ABCA6: variants seen among roughly 807,000 people sequenced by gnomAD.
ABCA6 encodes ATP-binding cassette sub-family A member 6.
ABCA6 carries 164 observed loss-of-function variants against 191.2 expected under a neutral mutation model. The observed-to-expected ratio is 0.86, with a 90% CI of 0.76 to 0.98. The LOEUF (loss-of-function observed/expected upper bound fraction) is 0.98, where lower values mean the gene tolerates loss of function less well. Ranked by LOEUF, ABCA6 falls within the 50% of genes least tolerant of loss-of-function variation. The probability of loss-of-function intolerance (pLI) is 0.00; values close to 1 mark genes in which losing one functional copy is unlikely to be tolerated. For missense variants in ABCA6, 1,958 were observed against 1,894.1 expected (o/e 1.03, Z -0.63); for synonymous variants, 636 against 647.7 (o/e 0.98, Z 0.27).
intron 31 of ABCA6, 98 bp downstream of exon 31, chr17:69,085,527 A>AG (rs1223010888): frequency 1.3e-6 from 1 of 765,988 alleles, no homozygotes; most frequent in East Asian, 3.1e-5. Flanking sequence ...GGCAAAAAAA[A>AG]AAAAAAAAGA....
At chr17:69,089,428 C>G (rs2072876926) in intron 27 of ABCA6, 37 bp downstream of exon 27, 1 of 1,577,412 alleles carries the variant, frequency 6.3e-7, no homozygotes, top group East Asian at 2.2e-5. Flanking sequence ...GACAGTCATC[C>G]AAAAGAATGT....
At chr17:69,134,832 G>A in intron 4 of ABCA6, 90 bp from the exon 5 acceptor site, 1 of 881,992 alleles carries the variant, frequency 1.1e-6, no homozygotes, top group South Asian at 1.5e-5. Flanking sequence ...ACAATCTAGA[G>A]GAGACTCTAC....
chr17:69,082,875 T>C lies in ABCA6; in HGVS notation c.4614A>G (p.Glu1538=). 1 of 1,614,176 alleles carries C rather than the reference T, an allele frequency of 6.2e-7. No individual in the cohort carries two copies. Among genetic ancestry groups the C allele is most frequent in the Non-Finnish European group, 8.5e-7 (1 of 1,179,996 alleles). The change falls in exon 36 of 39, where the codon GAA becomes GAG. Residue 1538 remains glutamate, a splice_region_variant and synonymous_variant. Transcript: ENST00000284425. ...LKLFPQAAGQ[E]RYSSLLTYKL... Reference sequence around the variant, plus strand: ...CCATAATCAAAAGCCCGTCTCACCTTTCCTGCCCTGCAGCCTGTGGGAAAA... The same window carrying C: ...CCATAATCAAAAGCCCGTCTCACCTCTCCTGCCCTGCAGCCTGTGGGAAAA...
chr17:69,087,423 T>C lies in ABCA6; in HGVS notation c.3749A>G (p.Asp1250Gly), dbSNP rs1251695981. The C allele has an allele frequency of 6.2e-7, 1 of 1,613,868 alleles. No homozygotes were observed. The highest frequency in any genetic ancestry group is 8.5e-7 in the Non-Finnish European group (1 of 1,179,872). ...DAKPNPEEPI[D>G]EDEDIQTERI... ...TTCTGTTTGAATATCTTCATCTTCA[T>C]CTATGGGTTCTTCTGGATTTGGCTT... Residue 1250 changes from aspartate (D) to glycine (G), a missense_variant, in exon 29 of 39, where the codon GAT (aspartate) becomes GGT (glycine). Coordinates refer to ENST00000284425, the MANE Select transcript of ABCA6 (RefSeq NM_080284.3).
rs200668842 is a variant in ABCA6 at position 69,129,601 on chromosome 17, T to C, written c.933+9A>G. Reference sequence around the variant, plus strand: ...AGCAGAGAAAGTGGTAATAAATGTATCAACTTACCAAAGATAAGCCATATA... The same window carrying C: ...AGCAGAGAAAGTGGTAATAAATGTACCAACTTACCAAAGATAAGCCATATA... On this transcript the variant is annotated intron_variant, in intron 7 of 38. Coordinates refer to ENST00000284425, the MANE Select transcript of ABCA6 (RefSeq NM_080284.3). 6.3e-7 allele frequency: 1 copy of C among 1,578,246 alleles called. No homozygotes were observed. The highest frequency in any genetic ancestry group is 8.6e-7 in the Non-Finnish European group (1 of 1,159,968).
At chr17:69,102,691 G>A in intron 21 of ABCA6, 144 bp downstream of exon 21, 1 of 692,614 alleles carries the variant, frequency 1.4e-6, no homozygotes, top group South Asian at 2.7e-5. Flanking sequence ...AAAAACTTAG[G>A]TAAACTTCAC....
intron 20 of ABCA6, 68 bp from the exon 21 acceptor site, chr17:69,103,036 G>A: frequency 1.1e-6 from 1 of 919,112 alleles, no homozygotes. Flanking sequence ...TTTAAAATAA[G>A]TCATATACAT....
rs756562583 is a variant in ABCA6 at position 69,136,145 on chromosome 17, T to C, written c.407A>G (p.Lys136Arg). The change falls in exon 4 of 39, where the codon AAG (lysine) becomes AGG (arginine). Residue 136 changes from lysine to arginine, a missense_variant. By Grantham distance (26) the Lys-to-Arg change is conservative. Coordinates refer to ENST00000284425, the MANE Select transcript of ABCA6 (RefSeq NM_080284.3). Reference sequence around the variant, plus strand: ...GTTATATCCCTGGAAAAATATTAACTTATAAGAGAAAGTTTCATTAAAGAT... The same window carrying C: ...GTTATATCCCTGGAAAAATATTAACCTATAAGAGAAAGTTTCATTAAAGAT... The part of the protein sequence containing the change: ...GIIFNETFSY[K>R]LIFFQGYNSP... The C allele has an allele frequency of 1.1e-5, 18 of 1,608,822 alleles. No homozygotes were observed. Among genetic ancestry groups the C allele is most frequent in the Non-Finnish European group, 1.4e-5 (16 of 1,177,206 alleles).
At chr17:69,099,995 G>A (rs375772107) in intron 22 of ABCA6, among the ~76,000 whole-genome samples, 1 of 152,180 alleles carries the variant, frequency 6.6e-6, no homozygotes, top group Non-Finnish European at 1.5e-5. Flanking sequence ...GAAACAGTTG[G>A]AGTCAGCTTT....
intron 22 of ABCA6, chr17:69,099,647 A>C (rs1415430601): frequency 1.9e-5 from 3 of 154,306 alleles, no homozygotes; most frequent in Non-Finnish European, 2.9e-5. Context: ...GAGGAAGGGT[A>C]ATCACTGTCT....
intron 23 of ABCA6, 145 bp downstream of exon 23, chr17:69,097,775 T>G (rs922278902): frequency 3.7e-6 from 2 of 547,650 alleles, no homozygotes; most frequent in Non-Finnish European, 5.9e-6. Flanking sequence ...ATTATCTGAC[T>G]TGCCAAGAAT....
intron 24 of ABCA6, 37 bp downstream of exon 24, chr17:69,096,591 A>G (rs76573897): frequency 3.1e-5 from 42 of 1,342,242 alleles, no homozygotes; most frequent in Non-Finnish European, 4.0e-5. Context: ...ATTATTAATT[A>G]CTTTATGAAA....
At position 69,106,100 on chromosome 17, in the gene ABCA6, C is replaced by T. The variant is rs764328319; in HGVS notation, c.2501G>A (p.Arg834Lys). ...CCGTGCCATGGCAAAGACTTGCATT[C>T]TCCAGAGGCCCATGTCACTCACAGC... ...QTAVSDMGLW[R>K]MQVFAMARLR... Residue 834 changes from arginine (R) to lysine (K), a missense_variant, in exon 19 of 39, where the codon AGA (arginine) becomes AAA (lysine). Arg to Lys is a conservative substitution (Grantham distance 26). Transcript: ENST00000284425. 10 of 1,613,762 alleles carry T rather than the reference C, an allele frequency of 6.2e-6. No individual in the cohort carries two copies. In the East Asian group the frequency reaches 8.9e-5, roughly 14 times the overall value.
At chr17:69,138,192 G>A (rs967003448) in intron 2 of ABCA6, among the ~76,000 whole-genome samples, 1 of 152,132 alleles carries the variant, frequency 6.6e-6, no homozygotes, top group Non-Finnish European at 1.5e-5. Context: ...GTCCAAGATG[G>A]TGGCAGAGGT....
intron 6 of ABCA6, among the ~76,000 whole-genome samples, chr17:69,132,917 C>T (rs1429219141): frequency 1.3e-5 from 2 of 151,778 alleles, no homozygotes; most frequent in Non-Finnish European, 1.5e-5. Flanking sequence ...TACACATGCT[C>T]ATGTATGCAT....
At chr17:69,113,520 T>C in intron 14 of ABCA6, 98 bp downstream of exon 14, 1 of 1,582,130 alleles carries the variant, frequency 6.3e-7, no homozygotes, top group Non-Finnish European at 8.6e-7. Context: ...TCTCTCTTGA[T>C]GCATTACAAT....
chr17:69,126,881 G>T (rs2073763930), intron 8 of ABCA6, among the ~76,000 whole-genome samples: 1 of 152,066 alleles, frequency 6.6e-6, no homozygotes, highest in Non-Finnish European at 1.5e-5. Context: ...GAATAGACAA[G>T]ACTCTATTGA....
rs748080529 is a variant in ABCA6 at position 69,112,172 on chromosome 17, A to T, written c.2132+11T>A. 1.6e-5 allele frequency: 26 copies of T among 1,596,286 alleles called. No homozygotes were observed. Among genetic ancestry groups the T allele is most frequent in the Non-Finnish European group, 2.1e-5 (25 of 1,165,172 alleles). On this transcript the variant is annotated intron_variant, in intron 16 of 38. Coordinates refer to ENST00000284425, the MANE Select transcript of ABCA6 (RefSeq NM_080284.3). ...AAACACATAAATCCAATCTATTCCC[A>T]AAGTCTTTACCTTAGGTGATATCCA... is the stretch of plus-strand genomic sequence containing the variant.
intron 27 of ABCA6, 88 bp from the exon 28 acceptor site, chr17:69,088,346 T>C: frequency 6.7e-6 from 7 of 1,042,218 alleles, no homozygotes; most frequent in Non-Finnish European, 9.5e-6. Flanking sequence ...GTTTTGTCTT[T>C]GGGTAAATAG....
Sources: allele counts gnomAD v4.1 joint callset (sites outside exome capture counted in the v4.1 genomes callset), GRCh38; gene constraint gnomAD v4.1.1; transcripts MANE v1.5; gene names NCBI Gene and HGNC (gene_info 2026-07-23, HGNC 2026-07-21).